FAM118A: variants seen among roughly 807,000 people sequenced by gnomAD.
FAM118A encodes SIR2 antiphage like 2, also known as protein FAM118A.
A neutral mutation model predicts 38.2 loss-of-function variants in FAM118A; 25 were observed. The observed-to-expected ratio is 0.65, with a 90% CI of 0.48 to 0.91. FAM118A has a LOEUF of 0.91. Among genes scored for constraint, FAM118A ranks in the 40% least tolerant of loss-of-function variants. The pLI is 0.00. For missense variants in FAM118A, 425 were observed against 463.3 expected, an observed-to-expected ratio of 0.92 and a Z score of 0.76; for synonymous variants, 178 against 184.1, an observed-to-expected ratio of 0.97 and a Z score of 0.27.
At chr22:45,329,212 T>A (rs2085529185) in intron 4 of FAM118A, 2 of 152,222 alleles carry the variant, frequency 1.3e-5, no homozygotes, top group African/African-American at 4.8e-5. Context: ...CCTCATACTT[T>A]TATGTCCTGT....
rs142364534 is a variant in FAM118A, at chr22:45,336,396, A to G, written c.1039A>G (p.Thr347Ala). 8.7e-5 allele frequency: 140 copies of G among 1,613,812 alleles called. No individual in the cohort carries two copies. The African/African-American group carries it at 1.6e-3, about 18-fold the overall frequency. Reference protein sequence around the residue: ...ENGIEVSKKRTQSDTDDAGGS With the variant: ...ENGIEVSKKRAQSDTDDAGGS ...TGGAATTGAAGTTTCAAAAAAACGCACACAATCAGATACTGGTATTGTGTC... is the reference window on the plus strand; with the variant it reads ...TGGAATTGAAGTTTCAAAAAAACGCGCACAATCAGATACTGGTATTGTGTC... Residue 347 changes from threonine to alanine, a missense_variant, in exon 8 of 9, where the codon ACA becomes GCA. Physicochemically the swap from Thr to Ala is moderately conservative, Grantham distance 58. Transcript: ENST00000441876.
intron 1 of FAM118A, among the ~76,000 whole-genome samples, chr22:45,318,081 T>C (rs2084686962): frequency 6.6e-6 from 1 of 152,208 alleles, no homozygotes; most frequent in South Asian, 2.1e-4. Flanking sequence ...GTATTTTGCA[T>C]TGAACTCCGT....
At chr22:45,325,442 C>A (rs2085196390) in intron 3 of FAM118A, among the ~76,000 whole-genome samples, 1 of 152,010 alleles carries the variant, frequency 6.6e-6, no homozygotes, top group South Asian at 2.1e-4. Flanking sequence ...TTGTAGTGAT[C>A]CATTGTAGAC....
intron 8 of FAM118A, among the ~76,000 whole-genome samples, chr22:45,336,817 C>T (rs924660282): frequency 6.6e-6 from 1 of 152,236 alleles, no homozygotes; most frequent in Non-Finnish European, 1.5e-5. Flanking sequence ...CCAGGACACC[C>T]CTTGTCACTG....
chr22:45,330,780 G>A, intron 5 of FAM118A, 49 bp downstream of exon 5: 4 of 1,461,784 alleles, frequency 2.7e-6, no homozygotes, highest in Non-Finnish European at 3.6e-6. Flanking sequence ...GGGATTACTG[G>A]TGGCCACTGG....
At chr22:45,330,001 C>T (rs1474304995) in intron 4 of FAM118A, 1 of 152,158 alleles carries the variant, frequency 6.6e-6, no homozygotes, top group East Asian at 1.9e-4. Context: ...TGCACTTAGC[C>T]ATTTGATAAA....
intron 3 of FAM118A, among the ~76,000 whole-genome samples, chr22:45,323,777 C>T (rs1227459954): frequency 6.6e-6 from 1 of 152,182 alleles, no homozygotes; most frequent in East Asian, 1.9e-4. Context: ...GCAGGCCGGC[C>T]ATATTTCTTC....
intron 3 of FAM118A, among the ~76,000 whole-genome samples, chr22:45,326,063 C>T (rs946098986): frequency 2.0e-5 from 3 of 151,940 alleles, no homozygotes; most frequent in African/African-American, 4.8e-5. Flanking sequence ...CCAAGCAACA[C>T]GAACAGGCAC....
chr22:45,333,560 G>A (rs964096899), intron 6 of FAM118A, among the ~76,000 whole-genome samples: 32 of 151,964 alleles, frequency 2.1e-4, no homozygotes, highest in Admixed American at 4.6e-4. Context: ...TGTAGTCCCA[G>A]CTACTCAGGA....
chr22:45,330,485 T>G (rs2085628622), intron 4 of FAM118A, 118 bp from the exon 5 acceptor site: 1 of 1,147,574 alleles, frequency 8.7e-7, no homozygotes, highest in Non-Finnish European at 1.2e-6. Context: ...GTGAAGCATC[T>G]CTCGATGATT....
chr22:45,325,972 TG>T (rs979435774), intron 3 of FAM118A, among the ~76,000 whole-genome samples: 4 of 151,508 alleles, frequency 2.6e-5, no homozygotes, highest in Non-Finnish European at 5.9e-5. Flanking sequence ...CTGGGAACAG[TG>T]GGAGGGTTTG....
chr22:45,321,650 C>T (rs1289801544), intron 1 of FAM118A: 1 of 153,572 alleles, frequency 6.5e-6, no homozygotes, highest in Non-Finnish European at 1.4e-5. Flanking sequence ...CTCCTGAGTT[C>T]AAGCAGTCCA....
At chr22:45,337,779 G>C (rs1159569493) in intron 8 of FAM118A, 2 of 972,538 alleles carry the variant, frequency 2.1e-6, no homozygotes, top group Non-Finnish European at 2.4e-6. Flanking sequence ...ACCTCCTGAG[G>C]CCGCTTCTGC....
At chr22:45,321,513 C>G (rs2084877392) in intron 1 of FAM118A, 1 of 152,142 alleles carries the variant, frequency 6.6e-6, no homozygotes, top group African/African-American at 2.4e-5. Flanking sequence ...ACCTCCCAGG[C>G]TCAGGCGACC....
At chr22:45,316,437 G>T (rs1188467164) in intron 1 of FAM118A, among the ~76,000 whole-genome samples, 1 of 152,198 alleles carries the variant, frequency 6.6e-6, no homozygotes, top group Non-Finnish European at 1.5e-5. Flanking sequence ...ATCACATCTA[G>T]AATGAAGGGA....
At chr22:45,319,791 G>A (rs1301165240) in intron 1 of FAM118A, among the ~76,000 whole-genome samples, 4 of 152,166 alleles carry the variant, frequency 2.6e-5, no homozygotes, top group African/African-American at 9.7e-5. Flanking sequence ...GATGACTGAT[G>A]TTAACTCCTC....
At chr22:45,321,180 G>C (rs1031156776) in intron 1 of FAM118A, among the ~76,000 whole-genome samples, 3 of 151,982 alleles carry the variant, frequency 2.0e-5, no homozygotes, top group Non-Finnish European at 4.4e-5. Context: ...GCAGTGGCGC[G>C]ATCTCAGCTC....
intron 1 of FAM118A, among the ~76,000 whole-genome samples, chr22:45,314,690 G>T (rs2084527947): frequency 6.6e-6 from 1 of 152,216 alleles, no homozygotes; most frequent in Admixed American, 6.5e-5. Flanking sequence ...CTTGAGGTGG[G>T]GTAAAGGCAG....
Position 45,332,631 on chromosome 22 carries a change from A to T in FAM118A, c.858A>T (p.Val286=). 6.2e-7 allele frequency: 1 copy of T among 1,614,216 alleles called. No homozygotes were observed. Among genetic ancestry groups the T allele is most frequent in the Non-Finnish European group, 8.5e-7 (1 of 1,180,040 alleles). The change falls in exon 6 of 9, where the codon GTA becomes GTT. Residue 286 remains valine (V), a synonymous_variant. Transcript: ENST00000441876. ...ADMLLHGIKV[V]SYGDCFDHFP... is the part of the protein sequence containing the mutation. Reference sequence around the variant, plus strand: ...TGCTTCTGCACGGAATCAAAGTTGTATCCTACGGGGACTGTTTTGACCACT... The same window carrying T: ...TGCTTCTGCACGGAATCAAAGTTGTTTCCTACGGGGACTGTTTTGACCACT...
Sources: allele counts gnomAD v4.1 joint callset (sites outside exome capture counted in the v4.1 genomes callset), GRCh38; gene constraint gnomAD v4.1.1; transcripts MANE v1.5; gene names NCBI Gene and HGNC (gene_info 2026-07-23, HGNC 2026-07-21).